RALGAPA1: variants seen among roughly 807,000 people sequenced by gnomAD.
RALGAPA1 encodes the protein ral GTPase-activating protein subunit alpha-1.
In RALGAPA1, 52 loss-of-function variants were observed where a neutral mutation model predicts 269.6. The observed-to-expected ratio is 0.19, with a 90% CI of 0.15 to 0.24. The LOEUF (loss-of-function observed/expected upper bound fraction) is 0.24. Among genes scored for constraint, RALGAPA1 ranks in the 10% least tolerant of loss-of-function variants. The pLI is 1.00. For synonymous variants in RALGAPA1, 817 were observed against 1,008.3 expected, an observed-to-expected ratio of 0.81 and a Z score of 3.60; for missense variants, 1,917 against 3,013.9, an observed-to-expected ratio of 0.64 and a Z score of 8.52.
At chr14:35,584,562 G>A (rs547808998) in intron 37 of RALGAPA1, among the ~76,000 whole-genome samples, 1 of 152,262 alleles carries the variant, frequency 6.6e-6, no homozygotes, top group South Asian at 2.1e-4. Flanking sequence ...ACTGCACCCG[G>A]TTGGTATAGT....
intron 41 of RALGAPA1, chr14:35,541,830 T>C: frequency 2.2e-6 from 1 of 457,542 alleles, no homozygotes; most frequent in South Asian, 1.5e-5. Flanking sequence ...AGAAATGGAG[T>C]AGCAAGCAGA....
chr14:35,619,063 G>C (rs1302736469), intron 35 of RALGAPA1, among the ~76,000 whole-genome samples: 1 of 151,974 alleles, frequency 6.6e-6, no homozygotes, highest in Non-Finnish European at 1.5e-5. Context: ...TCAAAGAAAA[G>C]AGGAATAATG....
At chr14:35,588,097 G>A (rs1159835528) in intron 37 of RALGAPA1, among the ~76,000 whole-genome samples, 1 of 152,024 alleles carries the variant, frequency 6.6e-6, no homozygotes, top group African/African-American at 2.4e-5. Flanking sequence ...AGTAAAGACG[G>A]GGTTTCACCA....
Position 35,808,721 on chromosome 14 carries a change from G to T in RALGAPA1, c.106+9C>A. 6.2e-7 allele frequency: 1 copy of T among 1,609,526 alleles called. No homozygotes were observed. The highest frequency in any genetic ancestry group is 1.7e-5 in the Admixed American group (1 of 59,460). On this transcript the variant is annotated intron_variant, in intron 1 of 41. Transcript: ENST00000680220. ...CCAGGCCTCGGCGCTGCCACCCCTC[G>T]CTCCTCACCGATGACGATGCGCAGG...
At chr14:35,616,490 C>T (rs1188301195) in intron 35 of RALGAPA1, among the ~76,000 whole-genome samples, 1 of 152,156 alleles carries the variant, frequency 6.6e-6, no homozygotes, top group Non-Finnish European at 1.5e-5. Context: ...AGCAGTGAAA[C>T]TATTCTGTGT....
At chr14:35,739,496 T>C (rs1042557722) in intron 11 of RALGAPA1, among the ~76,000 whole-genome samples, 3 of 152,058 alleles carry the variant, frequency 2.0e-5, no homozygotes, top group Non-Finnish European at 2.9e-5. Context: ...CCCACAAGCA[T>C]CTCAAACTTC....
chr14:35,790,459 G>A (rs1000527632), intron 1 of RALGAPA1, among the ~76,000 whole-genome samples: 6 of 151,488 alleles, frequency 4.0e-5, no homozygotes, highest in Admixed American at 2.6e-4. Context: ...AGGCCAAGGC[G>A]GGCGGATCAC....
At position 35,808,842 on chromosome 14, in the gene RALGAPA1, GCTGCCA is replaced by G. The variant is rs749200644; in HGVS notation, c.-13_-8del. 14 of 1,603,148 alleles carry G rather than the reference GCTGCCA, an allele frequency of 8.7e-6. No homozygotes were observed. Among genetic ancestry groups the G allele is most frequent in the East Asian group, 4.5e-5 (2 of 44,636 alleles). On this transcript the variant is annotated 5_prime_UTR_variant, in exon 1 of 42. Transcript: ENST00000680220. ...GCGGCTTCTTGGAGAACATCCTGTC[GCTGCCA>G]CTGCCACTGCCACTGCCACAGCCGG...
intron 22 of RALGAPA1, among the ~76,000 whole-genome samples, chr14:35,675,820 G>C (rs1422299452): frequency 6.6e-6 from 1 of 152,138 alleles, no homozygotes; most frequent in Non-Finnish European, 1.5e-5. Flanking sequence ...TAAAAATTTT[G>C]TAGACTGAAA....
chr14:35,789,291 C>T (rs1169911709), intron 1 of RALGAPA1, among the ~76,000 whole-genome samples: 1 of 151,482 alleles, frequency 6.6e-6, no homozygotes, highest in Admixed American at 6.6e-5. Flanking sequence ...TAGAATGCAC[C>T]CTCCTTATAA....
At chr14:35,741,388 A>G (rs2071533258) in intron 11 of RALGAPA1, among the ~76,000 whole-genome samples, 1 of 152,034 alleles carries the variant, frequency 6.6e-6, no homozygotes, top group Non-Finnish European at 1.5e-5. Context: ...TACTTCAATT[A>G]TATTTCTCAG....
At chr14:35,749,886 G>A (rs1391670564) in intron 9 of RALGAPA1, among the ~76,000 whole-genome samples, 1 of 151,716 alleles carries the variant, frequency 6.6e-6, no homozygotes, top group Non-Finnish European at 1.5e-5. Context: ...CTGAGGAGAG[G>A]AAAATAAAAG....
Position 35,569,607 on chromosome 14 carries a change from A to C in RALGAPA1, c.7496+1010T>G, listed in dbSNP as rs150015104. 2.0e-5 allele frequency among the ~76,000 whole-genome samples: 3 copies of C among 152,266 alleles called. No homozygotes were observed. The East Asian group carries it at 5.8e-4, about 29-fold the overall frequency. On this transcript the variant is annotated intron_variant, in intron 39 of 41. Transcript: ENST00000680220. Reference sequence around the variant, plus strand: ...ATCTGGCTCTGGAAGTTATGCTCTTAAACATTCCCCATCTTCTCATACCTC... The same window carrying C: ...ATCTGGCTCTGGAAGTTATGCTCTTCAACATTCCCCATCTTCTCATACCTC...
At chr14:35,785,476 T>G (rs945772735) in intron 1 of RALGAPA1, among the ~76,000 whole-genome samples, 2 of 152,162 alleles carry the variant, frequency 1.3e-5, no homozygotes, top group African/African-American at 4.8e-5. Flanking sequence ...TTACACTGAA[T>G]AAGGAAAATC....
intron 22 of RALGAPA1, among the ~76,000 whole-genome samples, chr14:35,675,816 T>A (rs2064888743): frequency 6.6e-6 from 1 of 152,164 alleles, no homozygotes; most frequent in African/African-American, 2.4e-5. Context: ...GAACTAAAAA[T>A]TTTGTAGACT....
chr14:35,718,331 T>C (rs1037312389), intron 16 of RALGAPA1, among the ~76,000 whole-genome samples: 1 of 152,186 alleles, frequency 6.6e-6, no homozygotes, highest in African/African-American at 2.4e-5. Flanking sequence ...TGTAAAGCCA[T>C]GATTCACAAG....
Position 35,597,402 on chromosome 14 carries a change from T to C in RALGAPA1, c.7054-1613A>G, listed in dbSNP as rs993918955. 5.3e-5 allele frequency among the ~76,000 whole-genome samples: 8 copies of C among 152,196 alleles called. 1 individual carries two copies. The highest frequency in any genetic ancestry group is 5.2e-4 in the Admixed American group (8 of 15,272). The stretch of plus-strand genomic sequence containing the variant: ...TTTGTTTTACTTTAGTTCAGAAAGT[T>C]ACTTATTTTCAAGTCAATTCTCTGA... On this transcript the variant is annotated intron_variant, in intron 36 of 41. Transcript: ENST00000680220.
chr14:35,766,229 A>G, intron 4 of RALGAPA1: 1 of 807,100 alleles, frequency 1.2e-6, no homozygotes, highest in Non-Finnish European at 2.2e-6. Flanking sequence ...AAGTGCAAGG[A>G]ATCTTAACCA....
chr14:35,557,723 A>G (rs527242664), intron 39 of RALGAPA1, among the ~76,000 whole-genome samples: 2 of 152,292 alleles, frequency 1.3e-5, no homozygotes, highest in African/African-American at 4.8e-5. Context: ...AGGATATGGA[A>G]TAGTAGTAAA....
Sources: gnomAD v4.1 joint callset for allele counts (sites outside exome capture counted in the v4.1 genomes callset) on GRCh38, gnomAD v4.1.1 for gene constraint, MANE v1.5 for transcripts, NCBI Gene and HGNC (gene_info 2026-07-23, HGNC 2026-07-21) for gene names.